Variants in TGM6 observed in about 807,000 individuals in gnomAD.
The protein encoded by TGM6 is protein-glutamine gamma-glutamyltransferase 6.
Under a neutral mutation model 77.5 loss-of-function variants are expected in TGM6, and 74 were observed. That is an observed-to-expected ratio of 0.96 (90% CI 0.79 to 1.16). The LOEUF is 1.16. TGM6 is among the 50% of genes most tolerant of loss of function. The pLI is 0.00. For missense variants in TGM6, 968 were observed against 940.2 expected (o/e 1.03, Z -0.39); for synonymous variants, 383 against 378.9 (o/e 1.01, Z -0.12).
intron 7 of TGM6, among the ~76,000 whole-genome samples, chr20:2,402,701 G>T (rs1359202352): frequency 6.6e-6 from 1 of 152,170 alleles, no homozygotes; most frequent in Non-Finnish European, 1.5e-5. Context: ...AAGACCTTGA[G>T]CAGGTGATGT....
intron 7 of TGM6, 21 bp downstream of exon 7, chr20:2,400,465 A>G (rs2084699990): frequency 6.2e-6 from 10 of 1,613,792 alleles, no homozygotes; most frequent in African/African-American, 2.7e-5. Context: ...CCCCCAGCCT[A>G]GGCCCGAGGG....
In TGM6 at chr20:2,399,799, A is replaced by G. The variant is rs898919511; in HGVS notation, c.850+61A>G. The G allele has an allele frequency of 1.8e-5, 25 of 1,421,368 alleles. No homozygotes were observed. In the African/African-American group the frequency reaches 2.9e-4, roughly 16 times the overall value. 88.0% of individuals were successfully genotyped at this position (1,421,368 alleles called of 1,614,324 possible). ...CCCCCAGCTTCCTCTATCTAAATGTATTTACATATATTTGCATATGCTGCA... is the reference window on the plus strand; with the variant it reads ...CCCCCAGCTTCCTCTATCTAAATGTGTTTACATATATTTGCATATGCTGCA... On this transcript the variant is annotated intron_variant, in intron 6 of 12. Transcript: ENST00000202625.
chr20:2,399,013 G>A (rs902884659), intron 5 of TGM6, among the ~76,000 whole-genome samples: 6 of 151,982 alleles, frequency 3.9e-5, no homozygotes, highest in African/African-American at 1.5e-4. Flanking sequence ...CAGCCCTGAG[G>A]ACAGTGAAAG....
chr20:2,429,044 T>C (rs6106683), intron 10 of TGM6, among the ~76,000 whole-genome samples: 68,212 of 151,930 alleles, frequency 0.45, 16,498 homozygotes, highest in African/African-American at 0.64. Context: ...AGGCTGGTCT[T>C]GAACTCCTGA....
At chr20:2,381,326 G>A (rs1459684356) in intron 1 of TGM6, among the ~76,000 whole-genome samples, 2 of 152,186 alleles carry the variant, frequency 1.3e-5, no homozygotes, top group Non-Finnish European at 2.9e-5. Context: ...ATCCAGAGAC[G>A]TTTCTGGGCA....
chr20:2,396,789 G>A (rs747831392), intron 4 of TGM6, among the ~76,000 whole-genome samples, 165 bp downstream of exon 4: 6 of 152,188 alleles, frequency 3.9e-5, no homozygotes, highest in African/African-American at 9.7e-5. Flanking sequence ...CTGGGCCAGG[G>A]CCTGCACTGG....
intron 10 of TGM6, among the ~76,000 whole-genome samples, chr20:2,422,570 G>T (rs1446275527): frequency 6.6e-6 from 1 of 152,152 alleles, no homozygotes; most frequent in Non-Finnish European, 1.5e-5. Flanking sequence ...TATAAAGCGT[G>T]CAATAGCATT....
chr20:2,419,671 C>G (rs2084842819), intron 10 of TGM6, among the ~76,000 whole-genome samples: 1 of 152,184 alleles, frequency 6.6e-6, no homozygotes, highest in African/African-American at 2.4e-5. Context: ...CATTAATGCC[C>G]TGCTCTTTTC....
rs1398536103 is a variant in TGM6 at position 2,400,407 on chromosome 20, G to T, written c.952G>T (p.Gly318Trp). 6.2e-7 allele frequency: 1 copy of T among 1,614,126 alleles called. No homozygotes were observed. The highest frequency in any genetic ancestry group is 1.1e-5 in the South Asian group (1 of 91,086). The stretch of plus-strand genomic sequence containing the variant: ...TGTGGACAAATACGTGGACTCCTTC[G>T]GGCGGACCCTGGAGGACCTGACAGA... ...LSVDKYVDSF[G>W]RTLEDLTEDS... The change falls in exon 7 of 13, where the codon GGG (glycine) becomes TGG (tryptophan). Residue 318 changes from glycine (G) to tryptophan (W), a missense_variant. Coordinates refer to ENST00000202625, the MANE Select transcript of TGM6 (RefSeq NM_198994.3).
In TGM6 at chr20:2,395,097, G is replaced by A. The variant is rs1483272149; in HGVS notation, c.182-97G>A. On this transcript the variant is annotated intron_variant, in intron 2 of 12. Coordinates refer to ENST00000202625, the MANE Select transcript of TGM6 (RefSeq NM_198994.3). ...CCCAAAGCCTCCCAGAAGTTCAGGG[G>A]GTGAAGGTGGGGCTTCCAGGCCTGT... 5 of 1,547,688 alleles carry A rather than the reference G, an allele frequency of 3.2e-6. No individual in the cohort carries two copies. In the East Asian group the frequency reaches 6.9e-5, roughly 22 times the overall value.
Position 2,403,405 on chromosome 20 carries a change from A to T in TGM6, c.998A>T (p.His333Leu), listed in dbSNP as rs1266869904. 6.2e-7 allele frequency: 1 copy of T among 1,614,016 alleles called. No individual in the cohort carries two copies. Among genetic ancestry groups the T allele is most frequent in the Admixed American group, 1.7e-5 (1 of 60,012 alleles). Residue 333 changes from histidine (H) to leucine (L), a missense_variant, in exon 8 of 13, where the codon CAT becomes CTT. Coordinates refer to ENST00000202625, the MANE Select transcript of TGM6 (RefSeq NM_198994.3). The part of the protein sequence containing the change: ...DLTEDSMWNF[H>L]VWNESWFARQ... ...TCCTCTCTCTGTGGCAGGAATTTCC[A>T]TGTCTGGAATGAGAGCTGGTTTGCC...
At chr20:2,412,640 T>C (rs2084791722) in intron 9 of TGM6, among the ~76,000 whole-genome samples, 1 of 152,028 alleles carries the variant, frequency 6.6e-6, no homozygotes, top group Non-Finnish European at 1.5e-5. Context: ...TCCTAAGGAA[T>C]CCATTAAAAA....
chr20:2,426,649 GT>G (rs1260194921), intron 10 of TGM6, among the ~76,000 whole-genome samples: 2 of 152,144 alleles, frequency 1.3e-5, no homozygotes, highest in African/African-American at 4.8e-5. Flanking sequence ...TTTGCTGTAG[GT>G]TTTTTGTAGA....
intron 9 of TGM6, among the ~76,000 whole-genome samples, chr20:2,408,636 A>G (rs760146845): frequency 3.3e-5 from 5 of 152,198 alleles, no homozygotes; most frequent in Non-Finnish European, 7.3e-5. Flanking sequence ...TTAATGCCAT[A>G]AGGAGTCTGA....
At chr20:2,417,879 T>A (rs1219732223) in intron 10 of TGM6, among the ~76,000 whole-genome samples, 1 of 152,140 alleles carries the variant, frequency 6.6e-6, no homozygotes, top group Non-Finnish European at 1.5e-5. Context: ...AATAAATACA[T>A]GCTGGGGGTA....
intron 9 of TGM6, among the ~76,000 whole-genome samples, chr20:2,411,185 C>A (rs775490719): frequency 8.5e-5 from 13 of 152,200 alleles, no homozygotes; most frequent in South Asian, 6.2e-4. Context: ...ATATCTATCT[C>A]CCTTATGAAT....
In TGM6 at chr20:2,396,564, C is replaced by A. The variant is rs780869334; in HGVS notation, c.483C>A (p.Ser161Arg). The part of the protein sequence containing the change: ...EERQEYVLSD[S>R]GIIFRGVEKH... The stretch of plus-strand genomic sequence containing the variant: ...GACAGGAGTACGTGCTCAGCGACAG[C>A]GGCATCATCTTCCGAGGCGTGGAGA... The change falls in exon 4 of 13, where the codon AGC becomes AGA. Residue 161 changes from serine (S) to arginine (R), a missense_variant. By Grantham distance (110) the Ser-to-Arg change is moderately radical. Coordinates refer to ENST00000202625, the MANE Select transcript of TGM6 (RefSeq NM_198994.3). The A allele has an allele frequency of 7.4e-6, 12 of 1,614,200 alleles. No individual in the cohort carries two copies. In the South Asian group the frequency reaches 1.3e-4, roughly 18 times the overall value.
intron 10 of TGM6, among the ~76,000 whole-genome samples, chr20:2,424,206 G>A (rs1216128657): frequency 6.6e-6 from 1 of 152,196 alleles, no homozygotes; most frequent in Non-Finnish European, 1.5e-5. Flanking sequence ...AAACTTTGAA[G>A]CCAGGCATTG....
At chr20:2,420,444 A>G (rs2084848641) in intron 10 of TGM6, among the ~76,000 whole-genome samples, 1 of 152,168 alleles carries the variant, frequency 6.6e-6, no homozygotes, top group African/African-American at 2.4e-5. Context: ...AGTGTGGTAC[A>G]TTTGTTACAA....
Sources: gnomAD v4.1 joint callset for allele counts (sites outside exome capture counted in the v4.1 genomes callset) on GRCh38, gnomAD v4.1.1 for gene constraint, MANE v1.5 for transcripts, NCBI Gene and HGNC (gene_info 2026-07-23, HGNC 2026-07-21) for gene names.